The following CEP128 variants were observed in gnomAD, a reference collection of about 807,000 sequenced individuals.
CEP128 encodes centrosomal protein 128.
CEP128 carries 132 observed loss-of-function variants against 156.7 expected under a neutral mutation model. That is an observed-to-expected ratio of 0.84 (90% CI 0.73 to 0.97). CEP128 has a LOEUF of 0.97. Ranked by LOEUF, CEP128 falls within the 50% of genes least tolerant of loss-of-function variation. The probability of loss-of-function intolerance (pLI) is 0.00; values close to 1 mark genes in which losing one functional copy is unlikely to be tolerated. For synonymous variants in CEP128, 469 were observed against 448.9 expected, an observed-to-expected ratio of 1.04 and a Z score of -0.57; for missense variants, 1,252 against 1,281.9, an observed-to-expected ratio of 0.98 and a Z score of 0.36.
At chr14:80,933,839 A>G (rs761967347) in intron 2 of CEP128, among the ~76,000 whole-genome samples, 1 of 152,232 alleles carries the variant, frequency 6.6e-6, no homozygotes, top group Non-Finnish European at 1.5e-5. Context: ...GAGGTGAAAA[A>G]GCAGAAGCAC....
At chr14:80,862,981 G>A in intron 8 of CEP128, 108 bp from the exon 9 acceptor site, 1 of 676,788 alleles carries the variant, frequency 1.5e-6, no homozygotes, top group South Asian at 2.6e-5. Context: ...AAGCATTTAA[G>A]ATTGTTTTGT....
intron 19 of CEP128, among the ~76,000 whole-genome samples, chr14:80,593,712 C>T (rs552901067): frequency 6.6e-6 from 1 of 152,280 alleles, no homozygotes; most frequent in Non-Finnish European, 1.5e-5. Flanking sequence ...TGAGAGAACT[C>T]TCATTCACAA....
chr14:80,486,212 G>A (rs1176793084), downstream of CEP128, among the ~76,000 whole-genome samples: 3 of 152,118 alleles, frequency 2.0e-5, no homozygotes, highest in Non-Finnish European at 2.9e-5. Context: ...TCAAGAACTA[G>A]GCGAAGAATG....
At chr14:80,735,037 A>G (rs1898463421) in intron 19 of CEP128, among the ~76,000 whole-genome samples, 1 of 152,102 alleles carries the variant, frequency 6.6e-6, no homozygotes, top group Admixed American at 6.5e-5. Context: ...GATGTCAGAA[A>G]ACTGAGAGCT....
chr14:80,812,100 A>G (rs1040136051), intron 13 of CEP128, among the ~76,000 whole-genome samples: 1 of 152,052 alleles, frequency 6.6e-6, no homozygotes, highest in African/African-American at 2.4e-5. Flanking sequence ...CCTTTCTTTG[A>G]GCCCATGTGT....
At chr14:80,758,915 T>C (rs896771348) in intron 17 of CEP128, among the ~76,000 whole-genome samples, 1 of 152,204 alleles carries the variant, frequency 6.6e-6, no homozygotes, top group African/African-American at 2.4e-5. Context: ...GGTCATATAT[T>C]AGAAATTTGC....
intron 6 of CEP128, among the ~76,000 whole-genome samples, chr14:80,903,293 T>TTA (rs1393859920): frequency 6.6e-6 from 1 of 152,074 alleles, no homozygotes; most frequent in Non-Finnish European, 1.5e-5. Flanking sequence ...TTGACAAAAC[T>TTA]GCATATACAT....
chr14:80,517,879 G>A (rs1888562516), intron 23 of CEP128, among the ~76,000 whole-genome samples: 1 of 152,074 alleles, frequency 6.6e-6, no homozygotes, highest in Admixed American at 6.5e-5. Flanking sequence ...CCTTTATCCT[G>A]ACTGGGAGTG....
chr14:80,829,023 C>T (rs948040150), intron 13 of CEP128, among the ~76,000 whole-genome samples: 2 of 152,082 alleles, frequency 1.3e-5, no homozygotes, highest in African/African-American at 4.8e-5. Flanking sequence ...AATCTATGAC[C>T]TAATATCTCA....
At chr14:80,817,719 A>G (rs2139980179) in intron 13 of CEP128, among the ~76,000 whole-genome samples, 1 of 152,242 alleles carries the variant, frequency 6.6e-6, no homozygotes, top group South Asian at 2.1e-4. Flanking sequence ...CATCTCTACT[A>G]AAATACAAAA....
intron 19 of CEP128, among the ~76,000 whole-genome samples, chr14:80,619,169 T>G (rs1893356720): frequency 6.6e-6 from 1 of 152,142 alleles, no homozygotes; most frequent in Non-Finnish European, 1.5e-5. Flanking sequence ...AAGACTGTTC[T>G]GCAGGAAAAC....
chr14:80,865,826 G>C (rs1887741521), intron 8 of CEP128, among the ~76,000 whole-genome samples: 1 of 152,010 alleles, frequency 6.6e-6, no homozygotes, highest in Non-Finnish European at 1.5e-5. Context: ...ATGACAAACT[G>C]AAGTCTCAAA....
intron 24 of CEP128, among the ~76,000 whole-genome samples, chr14:80,503,689 C>T (rs1389157802): frequency 6.6e-6 from 1 of 151,948 alleles, no homozygotes; most frequent in Non-Finnish European, 1.5e-5. Flanking sequence ...TTTTCCATTG[C>T]TAAATATGAA....
In CEP128 at chr14:80,497,381, G is replaced by A; in HGVS notation, c.*98C>T. The A allele has an allele frequency of 1.3e-6, 1 of 752,320 alleles. No individual in the cohort carries two copies. Among genetic ancestry groups the A allele is most frequent in the East Asian group, 2.7e-5 (1 of 37,166 alleles). 46.6% of individuals were successfully genotyped at this position (752,320 alleles called of 1,614,324 possible). A position where few individuals can be genotyped will look rare whatever the true frequency, so the allele number is the denominator to read the frequency against. On this transcript the variant is annotated 3_prime_UTR_variant, in exon 25 of 25. Coordinates refer to ENST00000555265, the MANE Select transcript of CEP128 (RefSeq NM_152446.5). ...GCAATACCAAAGAGCCAAAGCTGCAGGTATGTCTGTTAGATAATCTGGGCC... is the reference window on the plus strand; with the variant it reads ...GCAATACCAAAGAGCCAAAGCTGCAAGTATGTCTGTTAGATAATCTGGGCC...
intron 9 of CEP128, among the ~76,000 whole-genome samples, chr14:80,861,236 T>A (rs894083462): frequency 1.3e-5 from 2 of 151,878 alleles, no homozygotes; most frequent in Admixed American, 1.3e-4. Context: ...AAAAGTACAA[T>A]AGAAATTTAC....
intron 23 of CEP128, among the ~76,000 whole-genome samples, chr14:80,513,324 T>C (rs745350132): frequency 1.5e-4 from 23 of 152,234 alleles, no homozygotes; most frequent in Non-Finnish European, 2.8e-4. Context: ...AGATTTCCAC[T>C]GAAAAGTCTG....
intron 14 of CEP128, among the ~76,000 whole-genome samples, chr14:80,789,347 T>C (rs1901584366): frequency 6.6e-6 from 1 of 152,130 alleles, no homozygotes; most frequent in African/African-American, 2.4e-5. Flanking sequence ...GCTTCGGAAC[T>C]GAAGGCTTGG....
At chr14:80,737,543 G>T (rs771931646) in intron 19 of CEP128, among the ~76,000 whole-genome samples, 2 of 150,322 alleles carry the variant, frequency 1.3e-5, no homozygotes, top group Non-Finnish European at 3.0e-5. Context: ...TATCTCTAAT[G>T]ATCTACACCA....
intron 19 of CEP128, among the ~76,000 whole-genome samples, chr14:80,623,703 TA>T (rs1299855304): frequency 6.6e-6 from 1 of 151,966 alleles, no homozygotes; most frequent in African/African-American, 2.4e-5. Context: ...GCAAATAACT[TA>T]AAAGCTTGAT....
Sources: allele counts gnomAD v4.1 joint callset (sites outside exome capture counted in the v4.1 genomes callset), GRCh38; gene constraint gnomAD v4.1.1; transcripts MANE v1.5; gene names NCBI Gene and HGNC (gene_info 2026-07-23, HGNC 2026-07-21).